The following MOV10L1 variants were observed in gnomAD, a reference collection of about 807,000 sequenced individuals.
The protein encoded by MOV10L1 is RNA helicase Mov10l1.
MOV10L1 carries 110 observed loss-of-function variants against 143.8 expected under a neutral mutation model. The ratio of observed to expected loss-of-function variants is 0.76; its 90% confidence interval spans 0.66 to 0.90. The LOEUF (loss-of-function observed/expected upper bound fraction) is 0.90. MOV10L1 is among the 40% of genes least tolerant of loss of function. MOV10L1 has a pLI of 0.00. For missense variants in MOV10L1, 1,406 were observed against 1,526.8 expected (o/e 0.92, Z 1.32); for synonymous variants, 593 against 581.1 (o/e 1.02, Z -0.29).
chr22:50,100,304 TAAA>T (rs2062706622), intron 3 of MOV10L1, among the ~76,000 whole-genome samples: 1 of 152,100 alleles, frequency 6.6e-6, no homozygotes, highest in East Asian at 1.9e-4. Context: ...GGTCACTGTT[TAAA>T]CTTGTGCTTT....
chr22:50,131,978 A>G (rs958422194), intron 13 of MOV10L1, among the ~76,000 whole-genome samples: 2 of 152,188 alleles, frequency 1.3e-5, no homozygotes, highest in Non-Finnish European at 1.5e-5. Flanking sequence ...TCCTGGTGAG[A>G]CTGCTTCCTG....
At chr22:50,145,899 C>G in intron 19 of MOV10L1, 89 bp downstream of exon 19, 1 of 1,561,344 alleles carries the variant, frequency 6.4e-7, no homozygotes, top group South Asian at 1.1e-5. Flanking sequence ...GCGGATGACC[C>G]AGAGACTCAG....
intron 15 of MOV10L1, among the ~76,000 whole-genome samples, chr22:50,137,407 T>C (rs2062849281): frequency 6.6e-6 from 1 of 152,032 alleles, no homozygotes; most frequent in African/African-American, 2.4e-5. Context: ...GACTAGACAA[T>C]GCAGAAGGAA....
chr22:50,136,759 T>G (rs2062832230), intron 15 of MOV10L1, among the ~76,000 whole-genome samples: 1 of 152,190 alleles, frequency 6.6e-6, no homozygotes, highest in Non-Finnish European at 1.5e-5. Context: ...AGATTCCTTC[T>G]TGAGTTTTCA....
chr22:50,113,312 T>C (rs928500924), intron 5 of MOV10L1, among the ~76,000 whole-genome samples: 9 of 151,910 alleles, frequency 5.9e-5, no homozygotes, highest in Non-Finnish European at 5.9e-5. Flanking sequence ...ACCTTGGGAG[T>C]TGGCTGGAGA....
chr22:50,101,014 G>A (rs1005370664), intron 3 of MOV10L1, among the ~76,000 whole-genome samples: 5 of 152,252 alleles, frequency 3.3e-5, no homozygotes, highest in Admixed American at 1.3e-4. Flanking sequence ...TGCATACATT[G>A]TGGTAGGGCA....
In MOV10L1 at chr22:50,107,992, AAT is replaced by A. The variant is rs2061918867; in HGVS notation, c.443-141_443-140del. 4 of 700,268 alleles carry A rather than the reference AAT, an allele frequency of 5.7e-6. No homozygotes were observed. In the East Asian group the frequency reaches 1.1e-4, roughly 19 times the overall value. 43.4% of individuals were successfully genotyped at this position (700,268 alleles called of 1,614,324 possible). On this transcript the variant is annotated intron_variant, in intron 3 of 26. Transcript: ENST00000262794. ...AATACTTCAGGGTTTTTTATTCGAAAATATGTTTCTCACAGTAGTAGAAAGTG... is the reference window on the plus strand; with the variant it reads ...AATACTTCAGGGTTTTTTATTCGAAAATGTTTCTCACAGTAGTAGAAAGTG...
chr22:50,118,032 A>G (rs536250756), intron 9 of MOV10L1, among the ~76,000 whole-genome samples: 2 of 152,278 alleles, frequency 1.3e-5, no homozygotes, highest in South Asian at 2.1e-4. Context: ...GAGCTCTGCT[A>G]CTACCCCAGA....
rs746406984 is a variant in MOV10L1, at chr22:50,144,183, G to C, written c.2445G>C (p.Glu815Asp). Residue 815 changes from glutamate to aspartate, a missense_variant, in exon 18 of 27, where the codon GAG (glutamate) becomes GAC (aspartate). By Grantham distance (45) the Glu-to-Asp change is conservative. Transcript: ENST00000262794. ...ACCTCGTGTGTCTGCGGCTGCACGA[G>C]AGCAAGGTGCTACAGCCGGCCACCA... Reference protein sequence around the residue: ...AADLVCLRLHESKVLQPATMV... With the variant: ...AADLVCLRLHDSKVLQPATMV... 2 of 1,613,202 alleles carry C rather than the reference G, an allele frequency of 1.2e-6. No individual in the cohort carries two copies. Among genetic ancestry groups the C allele is most frequent in the African/African-American group, 1.3e-5 (1 of 75,040 alleles).
In MOV10L1 at chr22:50,161,463, A is replaced by C. The variant is rs1394372692; in HGVS notation, c.*14A>C. 6.4e-7 allele frequency: 1 copy of C among 1,572,650 alleles called. No homozygotes were observed. Among genetic ancestry groups the C allele is most frequent in the Admixed American group, 1.9e-5 (1 of 53,922 alleles). On this transcript the variant is annotated 3_prime_UTR_variant, in exon 27 of 27. Coordinates refer to ENST00000262794, the MANE Select transcript of MOV10L1 (RefSeq NM_018995.3). ...GAGCCCAGCTGATCTGCAGTGGCTG[A>C]CAGCAGGGAGGCCATGTGCTCAGCC...
At chr22:50,124,808 C>A (rs1298393139) in intron 10 of MOV10L1, among the ~76,000 whole-genome samples, 1 of 152,218 alleles carries the variant, frequency 6.6e-6, no homozygotes, top group Admixed American at 6.5e-5. Flanking sequence ...AGAAACCATG[C>A]AGCATCCCTG....
At chr22:50,118,073 T>C (rs1188384564) in intron 9 of MOV10L1, among the ~76,000 whole-genome samples, 3 of 152,224 alleles carry the variant, frequency 2.0e-5, no homozygotes, top group Non-Finnish European at 4.4e-5. Flanking sequence ...GTCACTTTTC[T>C]AATACTGAAA....
chr22:50,106,928 C>T lies in MOV10L1; in HGVS notation c.443-1208C>T, dbSNP rs373011306. ...GTGTTAACCAGGATGGTCTCAATCTCCTGACCTCATGATCCACCCGCCTCG... is the reference window on the plus strand; with the variant it reads ...GTGTTAACCAGGATGGTCTCAATCTTCTGACCTCATGATCCACCCGCCTCG... On this transcript the variant is annotated intron_variant, in intron 3 of 26. Transcript: ENST00000262794. Among the ~76,000 whole-genome samples the T allele has an allele frequency of 1.1e-4, 17 of 151,510 alleles. No homozygotes were observed. The East Asian group carries it at 2.0e-3, about 17-fold the overall frequency.
chr22:50,140,047 G>A (rs1408882256), intron 15 of MOV10L1, among the ~76,000 whole-genome samples: 1 of 152,184 alleles, frequency 6.6e-6, no homozygotes, highest in African/African-American at 2.4e-5. Flanking sequence ...CACAGCAGCT[G>A]GGTTTTTAAT....
intron 13 of MOV10L1, among the ~76,000 whole-genome samples, chr22:50,133,777 C>G (rs2062744212): frequency 6.6e-6 from 1 of 152,222 alleles, no homozygotes; most frequent in East Asian, 1.9e-4. Context: ...CTCCTGACCT[C>G]AGGTGATCCA....
rs1358055951 is a variant in MOV10L1 at position 50,106,628 on chromosome 22, A to G, written c.443-1508A>G. Among the ~76,000 whole-genome samples the G allele has an allele frequency of 2.0e-5, 3 of 151,790 alleles. No individual in the cohort carries two copies. In the East Asian group the frequency reaches 5.8e-4, roughly 29 times the overall value. ...TGTTAATTGTGGAATAAATGAAGGC[A>G]TGGTTTACAAAACGCTGTATAAATG... On this transcript the variant is annotated intron_variant, in intron 3 of 26. Transcript: ENST00000262794.
chr22:50,130,846 GT>G (rs571378791), intron 13 of MOV10L1, among the ~76,000 whole-genome samples: 2 of 152,156 alleles, frequency 1.3e-5, no homozygotes, highest in Non-Finnish European at 2.9e-5. Flanking sequence ...GGGATATCTC[GT>G]TGTGGATTTA....
At chr22:50,129,597 A>G (rs2062614345) in intron 13 of MOV10L1, among the ~76,000 whole-genome samples, 2 of 151,476 alleles carry the variant, frequency 1.3e-5, no homozygotes, top group Non-Finnish European at 2.9e-5. Flanking sequence ...TAGGGATGGG[A>G]TTGCTGGGTT....
At chr22:50,148,008 G>A (rs1022287672) in intron 19 of MOV10L1, among the ~76,000 whole-genome samples, 1 of 152,368 alleles carries the variant, frequency 6.6e-6, no homozygotes, top group South Asian at 2.1e-4. Flanking sequence ...GCACAGGTCT[G>A]ACCACAGGGT....
Sources: gnomAD v4.1 joint callset for allele counts (sites outside exome capture counted in the v4.1 genomes callset) on GRCh38, gnomAD v4.1.1 for gene constraint, MANE v1.5 for transcripts, NCBI Gene and HGNC (gene_info 2026-07-23, HGNC 2026-07-21) for gene names.